The following UBR1 variants were observed in gnomAD, a reference collection of about 807,000 sequenced individuals.
UBR1 encodes the protein ubiquitin protein ligase E3 component n-recognin 1.
In UBR1, 102 loss-of-function variants were observed where a neutral mutation model predicts 242.1. The observed-to-expected ratio is 0.42, with a 90% CI of 0.36 to 0.50. UBR1 has a LOEUF of 0.50. UBR1 is among the 20% of genes least tolerant of loss of function. UBR1 has a pLI of 0.01. For synonymous variants in UBR1, 675 were observed against 684.8 expected (o/e 0.99, Z 0.22); for missense variants, 1,772 against 2,101.8 (o/e 0.84, Z 3.07).
intron 1 of UBR1, among the ~76,000 whole-genome samples, chr15:43,095,762 T>C (rs1044202695): frequency 6.6e-6 from 1 of 152,192 alleles, no homozygotes; most frequent in Non-Finnish European, 1.5e-5. Context: ...GCACAGCATA[T>C]GCTTAATACC....
intron 20 of UBR1, among the ~76,000 whole-genome samples, chr15:43,030,480 T>C (rs1343495220): frequency 6.6e-6 from 1 of 152,224 alleles, no homozygotes; most frequent in Non-Finnish European, 1.5e-5. Context: ...TCAAGATCTT[T>C]CTCAATTTTG....
At chr15:43,022,835 C>G in intron 25 of UBR1, 34 bp from the exon 26 acceptor site, 1 of 1,346,660 alleles carries the variant, frequency 7.4e-7, no homozygotes, top group Non-Finnish European at 1.1e-6. Flanking sequence ...TTTAAAATTG[C>G]GCTTCTTCAG....
chr15:42,960,371 C>T (rs1342642492), intron 43 of UBR1, among the ~76,000 whole-genome samples: 4 of 152,178 alleles, frequency 2.6e-5, no homozygotes, highest in Admixed American at 6.5e-5. Flanking sequence ...ATGCCTCCTC[C>T]AACTTTGCCT....
In UBR1 at chr15:42,979,312, T is replaced by C. The variant is rs146708171; in HGVS notation, c.4151-1365A>G. Among the ~76,000 whole-genome samples the C allele has an allele frequency of 6.5e-3, 990 of 152,078 alleles. 19 individuals carry two copies. The East Asian group carries it at 0.083, about 13-fold the overall frequency. ...CCTCGGCCTCCCAAAGTGCTGGGAT[T>C]ACAAGCATGAGTCACCACGCCTGGC... On this transcript the variant is annotated intron_variant, in intron 37 of 46. Coordinates refer to ENST00000290650, the MANE Select transcript of UBR1 (RefSeq NM_174916.3).
intron 1 of UBR1, among the ~76,000 whole-genome samples, chr15:43,100,794 C>T (rs1245057750): frequency 6.6e-6 from 1 of 152,178 alleles, no homozygotes; most frequent in Non-Finnish European, 1.5e-5. Flanking sequence ...GAGATCGCAC[C>T]ACGCACTCCA....
chr15:43,084,379 C>T (rs1372965849), intron 2 of UBR1, among the ~76,000 whole-genome samples: 2 of 152,154 alleles, frequency 1.3e-5, no homozygotes, highest in Non-Finnish European at 2.9e-5. Flanking sequence ...ACTGATTGGG[C>T]TTTAGCTAAA....
At chr15:43,034,888 CAAA>C (rs201319494) in intron 19 of UBR1, among the ~76,000 whole-genome samples, 27 of 91,738 alleles carry the variant, frequency 2.9e-4, no homozygotes, top group African/African-American at 7.5e-4. Flanking sequence ...ACGCCATCTC[CAAA>C]AAAAAAAAAA....
At chr15:42,990,868 AACCTCTCTG>A (rs995548801) in intron 33 of UBR1, among the ~76,000 whole-genome samples, 2 of 152,182 alleles carry the variant, frequency 1.3e-5, no homozygotes, top group Non-Finnish European at 2.9e-5. Context: ...GTGAAAGCTA[AACCTCTCTG>A]TAGCTCCATT....
At chr15:42,951,451 T>C (rs1217294192) in intron 45 of UBR1, among the ~76,000 whole-genome samples, 1 of 152,198 alleles carries the variant, frequency 6.6e-6, no homozygotes, top group African/African-American at 2.4e-5. Context: ...CTTGAACTCC[T>C]GACCTTGTGA....
chr15:43,042,100 A>G (rs2141321983), intron 15 of UBR1, among the ~76,000 whole-genome samples: 1 of 152,346 alleles, frequency 6.6e-6, no homozygotes, highest in African/African-American at 2.4e-5. Context: ...AAAATGGTAC[A>G]GCCACTAAGG....
At chr15:43,047,890 G>GT (rs2033505500) in intron 13 of UBR1, among the ~76,000 whole-genome samples, 1 of 152,170 alleles carries the variant, frequency 6.6e-6, no homozygotes, top group Non-Finnish European at 1.5e-5. Context: ...TTATCACATG[G>GT]TAAGTATTCA....
intron 39 of UBR1, among the ~76,000 whole-genome samples, chr15:42,975,164 G>A (rs1337658508): frequency 6.6e-6 from 1 of 152,144 alleles, no homozygotes; most frequent in Non-Finnish European, 1.5e-5. Context: ...CCAAAGTGCT[G>A]GGATTACAGG....
intron 46 of UBR1, 53 bp downstream of exon 46, chr15:42,950,209 C>G: frequency 1.4e-6 from 2 of 1,421,322 alleles, no homozygotes; most frequent in South Asian, 1.1e-5. Context: ...AGAAAACAAT[C>G]AACATAAAAG....
intron 3 of UBR1, among the ~76,000 whole-genome samples, chr15:43,079,542 G>A (rs1243346567): frequency 6.6e-6 from 1 of 151,962 alleles, no homozygotes; most frequent in East Asian, 1.9e-4. Context: ...CACTTTGGGA[G>A]GACGAGGCGG....
At position 42,944,020 on chromosome 15, in the gene UBR1, A is replaced by G. The variant is rs745629462; in HGVS notation, c.*1309T>C. 1 of 152,268 alleles carries G rather than the reference A, an allele frequency of 6.6e-6. No individual in the cohort carries two copies. Among genetic ancestry groups the G allele is most frequent in the Non-Finnish European group, 1.5e-5 (1 of 68,044 alleles). 9.4% of individuals were successfully genotyped at this position (152,268 alleles called of 1,614,324 possible). On this transcript the variant is annotated 3_prime_UTR_variant, in exon 47 of 47. Transcript: ENST00000290650. Reference sequence around the variant, plus strand: ...TTTACTTGCTTGCCTTTGCTGAGCAAAAAGAAGGTAGGAAAACATTTACAC... The same window carrying G: ...TTTACTTGCTTGCCTTTGCTGAGCAGAAAGAAGGTAGGAAAACATTTACAC...
chr15:42,974,402 G>C (rs2032256031), intron 39 of UBR1, among the ~76,000 whole-genome samples: 1 of 152,040 alleles, frequency 6.6e-6, no homozygotes, highest in African/African-American at 2.4e-5. Flanking sequence ...CTATATCTGG[G>C]CTCTCTTTCA....
intron 6 of UBR1, among the ~76,000 whole-genome samples, chr15:43,064,251 A>T (rs2033725676): frequency 6.6e-6 from 1 of 152,262 alleles, no homozygotes; most frequent in Non-Finnish European, 1.5e-5. Context: ...TGAGGTTATT[A>T]TCATAGGACA....
intron 12 of UBR1, among the ~76,000 whole-genome samples, chr15:43,052,911 G>A (rs1298750678): frequency 6.6e-6 from 1 of 152,170 alleles, no homozygotes; most frequent in East Asian, 1.9e-4. Context: ...TCAAATCTCA[G>A]TTCTGCCACT....
chr15:43,053,105 G>A (rs1182149567), intron 12 of UBR1, among the ~76,000 whole-genome samples: 1 of 152,170 alleles, frequency 6.6e-6, no homozygotes, highest in Non-Finnish European at 1.5e-5. Flanking sequence ...TGCAGAACAG[G>A]TGTTAATTTT....
Sources: gnomAD v4.1 joint callset for allele counts (sites outside exome capture counted in the v4.1 genomes callset) on GRCh38, gnomAD v4.1.1 for gene constraint, MANE v1.5 for transcripts, NCBI Gene and HGNC (gene_info 2026-07-23, HGNC 2026-07-21) for gene names.